Variants in BCKDHB observed in about 807,000 individuals in gnomAD.
The protein encoded by BCKDHB is 2-oxoisovalerate dehydrogenase subunit beta, mitochondrial.
Under a neutral mutation model 48.5 loss-of-function variants are expected in BCKDHB, and 41 were observed. The observed-to-expected ratio is 0.85, with a 90% CI of 0.66 to 1.10. The LOEUF (loss-of-function observed/expected upper bound fraction) is 1.10, where lower values mean the gene tolerates loss of function less well. Among genes scored for constraint, BCKDHB ranks in the 50% least tolerant of loss-of-function variants. BCKDHB has a pLI of 0.00. For synonymous variants in BCKDHB, 201 were observed against 174.8 expected (o/e 1.15, Z -1.18); for missense variants, 496 against 494.2 (o/e 1.00, Z -0.03).
the BCKDHB span, among the ~76,000 whole-genome samples, chr6:80,419,023 C>T: frequency 1.3e-5 from 2 of 152,204 alleles, no homozygotes; most frequent in Non-Finnish European, 2.9e-5. Flanking sequence ...ATCTGCTGTT[C>T]TCTGTGCAGA....
downstream of BCKDHB, among the ~76,000 whole-genome samples, chr6:80,348,700 C>T (rs1256762322): frequency 6.6e-6 from 1 of 152,190 alleles, no homozygotes; most frequent in African/African-American, 2.4e-5. Context: ...CAGCTAGGCA[C>T]ACAGACTATG....
chr6:80,202,704 A>T (rs1774451590), intron 7 of BCKDHB, among the ~76,000 whole-genome samples: 4 of 140,556 alleles, frequency 2.8e-5, no homozygotes, highest in Non-Finnish European at 4.7e-5. Context: ...CCTTCCCTCC[A>T]TTTTTCCCTC....
intron 1 of BCKDHB, among the ~76,000 whole-genome samples, chr6:80,116,040 A>C (rs1197326592): frequency 6.6e-6 from 1 of 152,210 alleles, no homozygotes; most frequent in Non-Finnish European, 1.5e-5. Flanking sequence ...TCTGTATCAT[A>C]GCTGTATATT....
Position 80,343,710 on chromosome 6 carries a change from G to T in BCKDHB, c.1085G>T (p.Gly362Val). 6.2e-7 allele frequency: 1 copy of T among 1,613,942 alleles called. No individual in the cohort carries two copies. Among genetic ancestry groups the T allele is most frequent in the Admixed American group, 1.7e-5 (1 of 60,006 alleles). ...NLEAPISRVC[G>V]YDTPFPHIFE... ...GAGGCTCCTATATCAAGAGTATGTG[G>T]TTATGACACACCATTTCCTCACATT... The change falls in exon 10 of 10, where the codon GGT becomes GTT. Residue 362 changes from glycine to valine, a missense_variant. Gly to Val is a moderately radical substitution (Grantham distance 109). Coordinates refer to ENST00000320393, the MANE Select transcript of BCKDHB (RefSeq NM_183050.4).
In BCKDHB at chr6:80,186,010, C is replaced by T. The variant is rs149798347; in HGVS notation, c.742+14620C>T. ...TCTCCTTTTTTGGAGCAGGGTTATT[C>T]TGTTATGTCTTGAGTTGGTTGGCCT... On this transcript the variant is annotated intron_variant, in intron 6 of 9. Transcript: ENST00000320393. 1.4e-3 allele frequency among the ~76,000 whole-genome samples: 214 copies of T among 152,174 alleles called. 1 individual carries two copies. The highest frequency in any genetic ancestry group is 2.0e-3 in the Non-Finnish European group (133 of 68,000).
At chr6:80,393,341 G>C in the BCKDHB span, among the ~76,000 whole-genome samples, 2 of 152,118 alleles carry the variant, frequency 1.3e-5, no homozygotes, top group African/African-American at 4.8e-5. Context: ...AATCCTCACT[G>C]TGTTATTACA....
the BCKDHB span, among the ~76,000 whole-genome samples, chr6:80,400,827 A>G: frequency 3.3e-5 from 5 of 152,072 alleles, no homozygotes; most frequent in Admixed American, 2.0e-4. Context: ...GTGCCCATCA[A>G]TGGTAGGCTG....
At chr6:80,394,992 T>C in the BCKDHB span, among the ~76,000 whole-genome samples, 1 of 152,204 alleles carries the variant, frequency 6.6e-6, no homozygotes, top group South Asian at 2.1e-4. Context: ...AGGACGTGTT[T>C]GTTTCCACTT....
chr6:80,299,128 C>G (rs1397471146), intron 9 of BCKDHB, among the ~76,000 whole-genome samples: 1 of 152,146 alleles, frequency 6.6e-6, no homozygotes, highest in Admixed American at 6.5e-5. Flanking sequence ...AGTTGAGCCT[C>G]AAACCAAGTT....
intron 3 of BCKDHB, among the ~76,000 whole-genome samples, chr6:80,149,528 A>G (rs1401562979): frequency 2.6e-5 from 4 of 151,902 alleles, no homozygotes; most frequent in Non-Finnish European, 4.4e-5. Flanking sequence ...ACATATGTTT[A>G]TTCACACACA....
chr6:80,461,910 A>G, the BCKDHB span, among the ~76,000 whole-genome samples: 1 of 152,098 alleles, frequency 6.6e-6, no homozygotes. Flanking sequence ...TTTAAAAGAC[A>G]GAGAAGAACT....
the BCKDHB span, among the ~76,000 whole-genome samples, chr6:80,454,487 A>C: frequency 1.0e-4 from 13 of 126,690 alleles, no homozygotes; most frequent in African/African-American, 3.9e-4. Context: ...TACACTCTTG[A>C]GGATCTACAC....
the BCKDHB span, among the ~76,000 whole-genome samples, chr6:80,422,190 C>A: frequency 3.3e-5 from 5 of 152,256 alleles, no homozygotes; most frequent in South Asian, 2.1e-4. Context: ...TAAAAGGGAC[C>A]AAAGTATCAC....
At chr6:80,340,420 T>C (rs1769826309) in intron 9 of BCKDHB, among the ~76,000 whole-genome samples, 1 of 152,168 alleles carries the variant, frequency 6.6e-6, no homozygotes, top group Non-Finnish European at 1.5e-5. Context: ...GCCACATATG[T>C]TATTGTTCCA....
At chr6:80,295,873 C>T (rs1052631086) in intron 9 of BCKDHB, among the ~76,000 whole-genome samples, 10 of 152,050 alleles carry the variant, frequency 6.6e-5, no homozygotes, top group East Asian at 1.9e-4. Flanking sequence ...TCCTATGACA[C>T]GTGGGAATTA....
intron 9 of BCKDHB, among the ~76,000 whole-genome samples, chr6:80,288,778 AT>A: frequency 6.6e-6 from 1 of 151,862 alleles, no homozygotes; most frequent in African/African-American, 2.4e-5. Context: ...ATATATGTGT[AT>A]TTTTTTTTCT....
chr6:80,377,945 G>A, the BCKDHB span, among the ~76,000 whole-genome samples: 1 of 152,154 alleles, frequency 6.6e-6, no homozygotes, highest in African/African-American at 2.4e-5. Flanking sequence ...TAAGTCTTTA[G>A]ATCTGTGAAC....
the BCKDHB span, among the ~76,000 whole-genome samples, chr6:80,390,582 G>A: frequency 1.3e-5 from 2 of 152,094 alleles, no homozygotes; most frequent in South Asian, 2.1e-4. Context: ...CTTCATTTCA[G>A]CATTTGAGTA....
At chr6:80,197,225 T>C (rs1228149091) in intron 6 of BCKDHB, among the ~76,000 whole-genome samples, 3 of 152,180 alleles carry the variant, frequency 2.0e-5, no homozygotes, top group Non-Finnish European at 4.4e-5. Context: ...CTGGAATAAA[T>C]ATGTTTTAAA....
Sources: allele counts gnomAD v4.1 joint callset (sites outside exome capture counted in the v4.1 genomes callset), GRCh38; gene constraint gnomAD v4.1.1; transcripts MANE v1.5; gene names NCBI Gene and HGNC (gene_info 2026-07-23, HGNC 2026-07-21).